Variants in TEAD4 observed in about 807,000 individuals in gnomAD.
TEAD4 encodes TEA domain transcription factor 4.
Under a neutral mutation model 52.4 loss-of-function variants are expected in TEAD4, and 36 were observed. That is an observed-to-expected ratio of 0.69 (90% CI 0.53 to 0.91). The LOEUF is 0.91. Ranked by LOEUF, TEAD4 falls within the 40% of genes least tolerant of loss-of-function variation. The pLI is 0.00. For synonymous variants in TEAD4, 220 were observed against 231.0 expected (o/e 0.95, Z 0.43); for missense variants, 508 against 583.9 (o/e 0.87, Z 1.34).
intron 5 of TEAD4, chr12:3,017,166 A>G: frequency 1.5e-6 from 1 of 676,768 alleles, no homozygotes; most frequent in Non-Finnish European, 2.7e-6. Context: ...GCTCTGATGA[A>G]AGAAGCAGGG....
intron 3 of TEAD4, among the ~76,000 whole-genome samples, chr12:2,995,550 C>T (rs1721820628): frequency 6.6e-6 from 1 of 151,688 alleles, no homozygotes; most frequent in African/African-American, 2.4e-5. Context: ...CTAGGAAAGG[C>T]CCCCCCCAAC....
intron 2 of TEAD4, among the ~76,000 whole-genome samples, chr12:2,989,809 A>T (rs1192384532): frequency 6.6e-6 from 1 of 152,156 alleles, no homozygotes; most frequent in African/African-American, 2.4e-5. Context: ...TCATGCTTTT[A>T]AGATCTCTGT....
chr12:3,003,679 G>T (rs1364258038), intron 3 of TEAD4, among the ~76,000 whole-genome samples: 2 of 152,078 alleles, frequency 1.3e-5, no homozygotes, highest in South Asian at 4.1e-4. Flanking sequence ...GGGGGCTGTC[G>T]GACACATGTG....
At chr12:3,024,584 G>A (rs2098270870) in intron 10 of TEAD4, among the ~76,000 whole-genome samples, 1 of 152,142 alleles carries the variant, frequency 6.6e-6, no homozygotes, top group Non-Finnish European at 1.5e-5. Flanking sequence ...TTGAGCCTGG[G>A]AGGCAGAGGT....
intron 10 of TEAD4, among the ~76,000 whole-genome samples, chr12:3,033,632 G>A (rs115366681): frequency 0.017 from 2,602 of 152,210 alleles, 76 homozygotes; most frequent in African/African-American, 0.058. Flanking sequence ...GCCCCTCCAG[G>A]CCCCCACACC....
chr12:3,024,744 T>C (rs1283281013), intron 10 of TEAD4, among the ~76,000 whole-genome samples: 3 of 152,212 alleles, frequency 2.0e-5, no homozygotes, highest in Non-Finnish European at 4.4e-5. Flanking sequence ...AACTTTTTTT[T>C]CCTGCAAATA....
chr12:2,967,309 G>A (rs533729236), intron 2 of TEAD4, among the ~76,000 whole-genome samples: 24 of 152,000 alleles, frequency 1.6e-4, no homozygotes, highest in African/African-American at 3.4e-4. Context: ...ACTCTATCCC[G>A]TTTTTTTCCC....
At chr12:2,968,016 T>C (rs74680894) in intron 2 of TEAD4, among the ~76,000 whole-genome samples, 11,573 of 151,872 alleles carry the variant, frequency 0.076, 574 homozygotes, top group Admixed American at 0.1. Context: ...CTGTTAAGTA[T>C]TGAGCTCGCC....
intron 10 of TEAD4, among the ~76,000 whole-genome samples, chr12:3,025,248 T>C (rs9783489): frequency 6.6e-6 from 1 of 152,122 alleles, no homozygotes; most frequent in Non-Finnish European, 1.5e-5. Context: ...GGCCTGAGCA[T>C]GTTATTCTCT....
chr12:3,009,933 C>T (rs926289128), intron 3 of TEAD4, among the ~76,000 whole-genome samples: 4 of 152,220 alleles, frequency 2.6e-5, no homozygotes, highest in African/African-American at 9.7e-5. Flanking sequence ...TGGTTACAAC[C>T]CAGGTGGCAG....
intron 3 of TEAD4, among the ~76,000 whole-genome samples, chr12:3,002,080 A>ATCCT (rs2098252169): frequency 6.6e-6 from 1 of 152,216 alleles, no homozygotes; most frequent in Non-Finnish European, 1.5e-5. Context: ...TGACAGAGTG[A>ATCCT]GACTCCATCT....
At chr12:3,014,003 C>G (rs1565543148) in intron 5 of TEAD4, among the ~76,000 whole-genome samples, 1 of 152,208 alleles carries the variant, frequency 6.6e-6, no homozygotes, top group Non-Finnish European at 1.5e-5. Flanking sequence ...AACCACAGAC[C>G]TTTCTGCCTC....
In TEAD4 at chr12:3,020,664, C is replaced by T. The variant is rs753500375; in HGVS notation, c.614C>T (p.Ser205Leu). 33 of 1,600,718 alleles carry T rather than the reference C, an allele frequency of 2.1e-5. No individual in the cohort carries two copies. The highest frequency in any genetic ancestry group is 2.3e-5 in the Non-Finnish European group (27 of 1,172,632). The change falls in exon 9 of 13, where the codon TCG becomes TTG. Residue 205 changes from serine to leucine, a missense_variant. Physicochemically the swap from Ser to Leu is moderately radical, Grantham distance 145. Coordinates refer to ENST00000359864, the MANE Select transcript of TEAD4 (RefSeq NM_003213.4). ...GAGTCTCCTGCAGGGCCCGCCCCAT[C>T]GCCCTCTGCGCCCCCGGCACCCCCA...
chr12:3,001,608 A>G (rs1300786592), intron 3 of TEAD4, among the ~76,000 whole-genome samples: 1 of 151,838 alleles, frequency 6.6e-6, no homozygotes, highest in Non-Finnish European at 1.5e-5. Flanking sequence ...TGTCACTACT[A>G]AAAATACAAA....
intron 10 of TEAD4, among the ~76,000 whole-genome samples, chr12:3,027,212 C>A (rs542633640): frequency 9.2e-5 from 14 of 152,230 alleles, no homozygotes; most frequent in Admixed American, 3.9e-4. Context: ...AGGCTGGTCT[C>A]GAACTCCTGA....
chr12:2,961,964 G>A (rs1306900940), intron 2 of TEAD4, among the ~76,000 whole-genome samples: 11 of 152,082 alleles, frequency 7.2e-5, no homozygotes, highest in African/African-American at 2.2e-4. Context: ...GAGGGAGGGG[G>A]ACAGACAGGG....
At chr12:2,989,120 T>C (rs1215955129) in intron 2 of TEAD4, among the ~76,000 whole-genome samples, 2 of 152,002 alleles carry the variant, frequency 1.3e-5, no homozygotes, top group Non-Finnish European at 2.9e-5. Flanking sequence ...GCATGGGAAG[T>C]CGGGAGGCAG....
intron 2 of TEAD4, among the ~76,000 whole-genome samples, chr12:2,969,446 T>C (rs1395596054): frequency 2.0e-5 from 3 of 152,210 alleles, no homozygotes; most frequent in East Asian, 1.9e-4. Flanking sequence ...AAAGGACTAC[T>C]GTACATAGAG....
At chr12:3,003,654 C>T (rs1231545269) in intron 3 of TEAD4, among the ~76,000 whole-genome samples, 1 of 152,148 alleles carries the variant, frequency 6.6e-6, no homozygotes, top group Non-Finnish European at 1.5e-5. Context: ...TGGGGTGGGG[C>T]CGTGGGTGTG....
Sources: gnomAD v4.1 joint callset for allele counts (sites outside exome capture counted in the v4.1 genomes callset) on GRCh38, gnomAD v4.1.1 for gene constraint, MANE v1.5 for transcripts, NCBI Gene and HGNC (gene_info 2026-07-23, HGNC 2026-07-21) for gene names.